The following LRRC8D variants were observed in gnomAD, a reference collection of about 807,000 sequenced individuals.
LRRC8D encodes leucine rich repeat containing 8 VRAC subunit D.
In LRRC8D, 20 loss-of-function variants were observed where a neutral mutation model predicts 55.8. The observed-to-expected ratio is 0.36, with a 90% CI of 0.25 to 0.52. The LOEUF (loss-of-function observed/expected upper bound fraction) is 0.52, where lower values mean the gene tolerates loss of function less well. Ranked by LOEUF, LRRC8D falls within the 20% of genes least tolerant of loss-of-function variation. The probability of loss-of-function intolerance (pLI) is 0.93; values close to 1 mark genes in which losing one functional copy is unlikely to be tolerated. For missense variants in LRRC8D, 651 were observed against 1,030.8 expected, an observed-to-expected ratio of 0.63 and a Z score of 5.05; for synonymous variants, 352 against 377.0, an observed-to-expected ratio of 0.93 and a Z score of 0.77.
At chr1:89,824,663 A>T (rs1373369310) in intron 1 of LRRC8D, among the ~76,000 whole-genome samples, 1 of 152,132 alleles carries the variant, frequency 6.6e-6, no homozygotes, top group Admixed American at 6.5e-5. Context: ...CCAAGACAAT[A>T]TGATGTCCCC....
At chr1:89,924,291 T>C (rs1373585861) in intron 2 of LRRC8D, among the ~76,000 whole-genome samples, 1 of 152,174 alleles carries the variant, frequency 6.6e-6, no homozygotes, top group East Asian at 1.9e-4. Flanking sequence ...AAAGAAGACA[T>C]ACATGCAGCC....
rs1472344211 is a variant in LRRC8D at position 89,848,908 on chromosome 1, C to G, written c.-3+5126C>G. 5.9e-5 allele frequency among the ~76,000 whole-genome samples: 9 copies of G among 152,096 alleles called. 1 individual carries two copies. The South Asian group carries it at 6.2e-4, about 11-fold the overall frequency. ...AGAGACGGGGTTTCACCGTGTTAGC[C>G]AGGATGATCTCGATCTCCTGACTTC... On this transcript the variant is annotated intron_variant, in intron 2 of 2. Transcript: ENST00000337338.
intron 2 of LRRC8D, among the ~76,000 whole-genome samples, chr1:89,889,604 G>A (rs538880466): frequency 1.3e-3 from 191 of 150,166 alleles, no homozygotes; most frequent in Admixed American, 3.2e-3. Flanking sequence ...AAGGCAGCCT[G>A]GATGCACTGG....
intron 2 of LRRC8D, among the ~76,000 whole-genome samples, chr1:89,918,190 C>G (rs1663321455): frequency 6.6e-6 from 1 of 152,190 alleles, no homozygotes; most frequent in Admixed American, 6.5e-5. Flanking sequence ...TGGCTCATAC[C>G]ATTTCATCAT....
At position 89,832,570 on chromosome 1, in the gene LRRC8D, C is replaced by T. The variant is rs1213265091; in HGVS notation, c.-147-11068C>T. On this transcript the variant is annotated intron_variant, in intron 1 of 2. Transcript: ENST00000337338. ...GTAAGGATCTTTATGGATTTCTTTTCCCCCTTATGGAAACCATTTGTAGTA... is the reference window on the plus strand; with the variant it reads ...GTAAGGATCTTTATGGATTTCTTTTTCCCCTTATGGAAACCATTTGTAGTA... 3.3e-5 allele frequency among the ~76,000 whole-genome samples: 5 copies of T among 152,100 alleles called. 1 individual carries two copies. The East Asian group carries it at 9.6e-4, about 29-fold the overall frequency.
At chr1:89,902,638 G>A (rs1379306700) in intron 2 of LRRC8D, among the ~76,000 whole-genome samples, 8 of 151,496 alleles carry the variant, frequency 5.3e-5, no homozygotes, top group Admixed American at 2.0e-4. Context: ...CTAGGTCCAC[G>A]CCATTCTCCT....
At chr1:89,845,079 G>C (rs955318004) in intron 2 of LRRC8D, among the ~76,000 whole-genome samples, 2 of 152,126 alleles carry the variant, frequency 1.3e-5, no homozygotes, top group Non-Finnish European at 2.9e-5. Flanking sequence ...TCACTTTATC[G>C]GGTAGCCAAG....
At chr1:89,899,006 A>C (rs1418117894) in intron 2 of LRRC8D, among the ~76,000 whole-genome samples, 1 of 152,244 alleles carries the variant, frequency 6.6e-6, no homozygotes. Context: ...AAGGTGTTCC[A>C]GTTGGGCTTT....
rs1661197746 is a variant in LRRC8D, at chr1:89,843,718, C to T, written c.-67C>T. On this transcript the variant is annotated 5_prime_UTR_variant, in exon 2 of 3. Coordinates refer to ENST00000337338, the MANE Select transcript of LRRC8D (RefSeq NM_001134479.2). The stretch of plus-strand genomic sequence containing the variant: ...CTCCTGTCGCCGTGGTTCCAGCCTC[C>T]GGAGCTCGCCCAAGCCGCGTCCCCA... The T allele has an allele frequency of 1.9e-5, 13 of 701,852 alleles. No homozygotes were observed. In the Admixed American group the frequency reaches 2.0e-4, roughly 11 times the overall value. The allele number at this position is 701,852 out of a possible 1,614,324, so 43.5% of individuals were successfully genotyped here.
intron 2 of LRRC8D, among the ~76,000 whole-genome samples, chr1:89,915,666 T>C (rs1185152883): frequency 2.0e-5 from 3 of 152,206 alleles, no homozygotes; most frequent in African/African-American, 7.2e-5. Context: ...AGGGCATATA[T>C]AAATGTCCTT....
chr1:89,909,579 T>C (rs181579881), intron 2 of LRRC8D, among the ~76,000 whole-genome samples: 3 of 151,952 alleles, frequency 2.0e-5, no homozygotes, highest in Admixed American at 2.0e-4. Flanking sequence ...TATAAGAATT[T>C]AGTAGGGCCA....
intron 2 of LRRC8D, among the ~76,000 whole-genome samples, chr1:89,895,154 C>T (rs1662674563): frequency 6.6e-6 from 1 of 152,098 alleles, no homozygotes; most frequent in Non-Finnish European, 1.5e-5. Flanking sequence ...ATTACATTAT[C>T]CTAAAAATAA....
intron 1 of LRRC8D, among the ~76,000 whole-genome samples, chr1:89,841,643 T>C (rs1333361762): frequency 6.6e-6 from 1 of 152,230 alleles, no homozygotes; most frequent in Non-Finnish European, 1.5e-5. Context: ...GTCAGCTTGT[T>C]AGGTTCTGAA....
chr1:89,899,552 A>G lies in LRRC8D; in HGVS notation c.-2-33515A>G, dbSNP rs531461647. Among the ~76,000 whole-genome samples the G allele has an allele frequency of 6.6e-5, 10 of 152,360 alleles. No individual in the cohort carries two copies. The South Asian group carries it at 1.9e-3, about 28-fold the overall frequency. ...GGAGAGGACCTTGAGGAAAGAATTA[A>G]TGTAAACTGCATCACCTTAGCTGAT... On this transcript the variant is annotated intron_variant, in intron 2 of 2. Transcript: ENST00000337338.
intron 2 of LRRC8D, among the ~76,000 whole-genome samples, chr1:89,896,330 C>A (rs1662712024): frequency 6.6e-6 from 1 of 152,036 alleles, no homozygotes; most frequent in African/African-American, 2.4e-5. Context: ...CCTTAGAGAT[C>A]GTGTCGTCTG....
intron 2 of LRRC8D, among the ~76,000 whole-genome samples, chr1:89,916,683 T>TGAAA (rs1663276848): frequency 6.6e-6 from 1 of 152,222 alleles, no homozygotes; most frequent in Non-Finnish European, 1.5e-5. Flanking sequence ...CTTGCTTTTC[T>TGAAA]GTTCTCTCTT....
chr1:89,875,822 G>GT (rs1662134431), intron 2 of LRRC8D, among the ~76,000 whole-genome samples: 1 of 152,158 alleles, frequency 6.6e-6, no homozygotes, highest in African/African-American at 2.4e-5. Context: ...TTTGTATACT[G>GT]TTTCATTTTA....
intron 2 of LRRC8D, among the ~76,000 whole-genome samples, chr1:89,876,230 A>G (rs1241740827): frequency 1.3e-5 from 2 of 152,060 alleles, no homozygotes; most frequent in African/African-American, 4.8e-5. Flanking sequence ...GCTACTAGAA[A>G]AGAATGTATC....
chr1:89,868,171 A>G (rs1486469869), intron 2 of LRRC8D, among the ~76,000 whole-genome samples: 1 of 152,242 alleles, frequency 6.6e-6, no homozygotes, highest in Non-Finnish European at 1.5e-5. Context: ...GAGAAAATAC[A>G]TAAGCCATCT....
Sources: gnomAD v4.1 joint callset for allele counts (sites outside exome capture counted in the v4.1 genomes callset) on GRCh38, gnomAD v4.1.1 for gene constraint, MANE v1.5 for transcripts, NCBI Gene and HGNC (gene_info 2026-07-23, HGNC 2026-07-21) for gene names.